The following BCAS4 variants were observed in gnomAD, a reference collection of about 807,000 sequenced individuals.
The protein encoded by BCAS4 is breast carcinoma amplified sequence 4, also known as breast carcinoma-amplified sequence 4.
A neutral mutation model predicts 15.7 loss-of-function variants in BCAS4; 9 were observed. The observed-to-expected ratio is 0.57, with a 90% CI of 0.34 to 1.00. The LOEUF (loss-of-function observed/expected upper bound fraction) is 1.00. BCAS4 is among the 50% of genes least tolerant of loss of function. The pLI, the probability that BCAS4 is intolerant of heterozygous loss-of-function variation, is 0.02. For missense variants in BCAS4, 225 were observed against 239.1 expected (o/e 0.94, Z 0.39); for synonymous variants, 101 against 99.5 (o/e 1.02, Z -0.09).
intron 1 of BCAS4, among the ~76,000 whole-genome samples, chr20:50,796,481 ATATATATTTT>A (rs1255212381): frequency 8.7e-5 from 1 of 11,556 alleles, no homozygotes; most frequent in African/African-American, 3.6e-4. Flanking sequence ...ATATATATAT[ATATATATTTT>A]TTTTTTTTTT....
At chr20:50,835,646 C>T (rs1204618903) in intron 3 of BCAS4, among the ~76,000 whole-genome samples, 1 of 152,138 alleles carries the variant, frequency 6.6e-6, no homozygotes, top group Non-Finnish European at 1.5e-5. Context: ...CTCCCCATTC[C>T]TTTCTGGGAG....
chr20:50,838,172 C>T (rs970257635), intron 3 of BCAS4, among the ~76,000 whole-genome samples: 9 of 152,240 alleles, frequency 5.9e-5, no homozygotes, highest in South Asian at 2.1e-4. Flanking sequence ...CATTCATGCA[C>T]GTGTGCATTT....
Position 50,815,718 on chromosome 20 carries a change from A to G in BCAS4, c.91-2493A>G, listed in dbSNP as rs143960883. On this transcript the variant is annotated intron_variant, in intron 1 of 4. Coordinates refer to ENST00000371608, the MANE Select transcript of BCAS4 (RefSeq NM_198799.4). ...CAGCCTGAAAGATGTTTTTTTGTGC[A>G]GTCGTTTATTTTGTTGTGGTGGAGA... 2.9e-3 allele frequency among the ~76,000 whole-genome samples: 447 copies of G among 152,286 alleles called. 1 individual carries two copies. The highest frequency in any genetic ancestry group is 4.6e-3 in the Non-Finnish European group (310 of 68,016).
In BCAS4 at chr20:50,818,439, C is replaced by CCTCTCTCTCTCTCTCG. The variant is rs371750475; in HGVS notation, c.162+171_162+186dup. ...GGAAAGCCACGTGCAAACACTCCCT[C>CCTCTCTCTCTCTCTCG]CTCTCTCTCTCTCTCGCTCTCTCTC... On this transcript the variant is annotated intron_variant, in intron 2 of 4. Transcript: ENST00000371608. 5.3e-5 allele frequency among the ~76,000 whole-genome samples: 8 copies of CCTCTCTCTCTCTCTCG among 151,106 alleles called. No individual in the cohort carries two copies. The East Asian group carries it at 1.6e-3, about 29-fold the overall frequency.
chr20:50,830,131 G>A (rs1321718003), intron 2 of BCAS4, 148 bp from the exon 3 acceptor site: 1 of 644,070 alleles, frequency 1.6e-6, no homozygotes, highest in Non-Finnish European at 2.7e-6. Flanking sequence ...CTGGGGCTCT[G>A]AGTTGTTCTT....
rs546249056 is a variant in BCAS4, at chr20:50,798,734, G to C, written c.90+3561G>C. On this transcript the variant is annotated intron_variant, in intron 1 of 4. Coordinates refer to ENST00000371608, the MANE Select transcript of BCAS4 (RefSeq NM_198799.4). ...GCCATGTTGGAGAGCCTAGGTCTCC[G>C]TCACCCTCTGCCTTCCTAGTGTCCC... is the stretch of plus-strand genomic sequence containing the variant. Among the ~76,000 whole-genome samples, 10 of 152,260 alleles carry C rather than the reference G, an allele frequency of 6.6e-5. No individual in the cohort carries two copies. In the East Asian group the frequency reaches 1.9e-3, roughly 29 times the overall value.
chr20:50,863,106 A>G (rs1979172071), intron 4 of BCAS4, among the ~76,000 whole-genome samples: 1 of 151,830 alleles, frequency 6.6e-6, no homozygotes, highest in African/African-American at 2.4e-5. Context: ...CTGGGATTAC[A>G]GGCATGAGCC....
chr20:50,872,622 A>T (rs1979712796), intron 4 of BCAS4, among the ~76,000 whole-genome samples: 2 of 151,816 alleles, frequency 1.3e-5, no homozygotes, highest in African/African-American at 2.4e-5. Flanking sequence ...TAGCACCCCA[A>T]GGGGAAATGG....
intron 1 of BCAS4, among the ~76,000 whole-genome samples, chr20:50,810,591 T>G (rs922951041): frequency 9.3e-5 from 9 of 96,614 alleles, no homozygotes; most frequent in African/African-American, 4.0e-4. Context: ...TTTTTTGTGT[T>G]TTTTTTTTTT....
intron 3 of BCAS4, among the ~76,000 whole-genome samples, chr20:50,836,967 CA>C (rs1215942574): frequency 6.6e-6 from 1 of 152,156 alleles, no homozygotes; most frequent in Non-Finnish European, 1.5e-5. Flanking sequence ...TTTGGCCTCT[CA>C]AAGTGCCAAG....
intron 4 of BCAS4, among the ~76,000 whole-genome samples, chr20:50,859,739 G>C (rs1215828561): frequency 2.0e-5 from 3 of 152,194 alleles, no homozygotes; most frequent in Non-Finnish European, 1.5e-5. Flanking sequence ...GGCGCAGGTT[G>C]AGGGGGGCAG....
chr20:50,819,454 C>G (rs1027607503), intron 2 of BCAS4, among the ~76,000 whole-genome samples: 1 of 152,114 alleles, frequency 6.6e-6, no homozygotes, highest in African/African-American at 2.4e-5. Context: ...TGAGAAGCAC[C>G]GTGTCCGGAC....
intron 1 of BCAS4, among the ~76,000 whole-genome samples, chr20:50,799,661 G>A (rs2087904911): frequency 6.6e-6 from 1 of 152,178 alleles, no homozygotes; most frequent in Admixed American, 6.6e-5. Flanking sequence ...GCTTCATTCA[G>A]CACCTTCAGC....
At chr20:50,860,989 G>C (rs1037655723) in intron 4 of BCAS4, among the ~76,000 whole-genome samples, 1 of 150,448 alleles carries the variant, frequency 6.6e-6, no homozygotes, top group African/African-American at 2.5e-5. Flanking sequence ...AGCAAGACCC[G>C]GTCTCTGGAA....
chr20:50,798,373 T>A (rs2087891359), intron 1 of BCAS4, among the ~76,000 whole-genome samples: 1 of 151,712 alleles, frequency 6.6e-6, no homozygotes, highest in African/African-American at 2.4e-5. Flanking sequence ...TCAATATATT[T>A]AAAATAACAG....
At chr20:50,860,695 G>A (rs1294681566) in intron 4 of BCAS4, among the ~76,000 whole-genome samples, 1 of 152,082 alleles carries the variant, frequency 6.6e-6, no homozygotes, top group Non-Finnish European at 1.5e-5. Context: ...GGCCAACATG[G>A]CGAAACCCCG....
chr20:50,843,387 T>C (rs1211958771), intron 4 of BCAS4, among the ~76,000 whole-genome samples: 2 of 152,240 alleles, frequency 1.3e-5, no homozygotes, highest in African/African-American at 4.8e-5. Flanking sequence ...GAAATGAAAC[T>C]TCAGAAAGTG....
chr20:50,820,966 G>A (rs1030253916), intron 2 of BCAS4, among the ~76,000 whole-genome samples: 4 of 152,118 alleles, frequency 2.6e-5, no homozygotes, highest in Admixed American at 1.3e-4. Flanking sequence ...CTAGAGTTCC[G>A]GCTTCTCTCA....
chr20:50,812,437 T>TC (rs1421557189), intron 1 of BCAS4, among the ~76,000 whole-genome samples: 1 of 149,500 alleles, frequency 6.7e-6, no homozygotes, highest in East Asian at 1.9e-4. Context: ...TCTGGCCTTT[T>TC]TTTTTTTTTT....
Sources: gnomAD v4.1 joint callset for allele counts (sites outside exome capture counted in the v4.1 genomes callset) on GRCh38, gnomAD v4.1.1 for gene constraint, MANE v1.5 for transcripts, NCBI Gene and HGNC (gene_info 2026-07-23, HGNC 2026-07-21) for gene names.